The following ZFHX3 variants were observed in gnomAD, a reference collection of about 807,000 sequenced individuals.
The protein encoded by ZFHX3 is zinc finger homeobox protein 3.
ZFHX3 carries 42 observed loss-of-function variants against 279.1 expected under a neutral mutation model. That is an observed-to-expected ratio of 0.15 (90% CI 0.12 to 0.19). The LOEUF is 0.19. Ranked by LOEUF, ZFHX3 falls within the 10% of genes least tolerant of loss-of-function variation. ZFHX3 has a pLI of 1.00. For synonymous variants in ZFHX3, 2,293 were observed against 1,957.8 expected, an observed-to-expected ratio of 1.17 and a Z score of -4.52; for missense variants, 4,981 against 4,754.0, an observed-to-expected ratio of 1.05 and a Z score of -1.40.
At chr16:73,077,381 A>G (rs1965896674) in intron 8 of ZFHX3, among the ~76,000 whole-genome samples, 1 of 151,922 alleles carries the variant, frequency 6.6e-6, no homozygotes. Flanking sequence ...TTCCAGGTGA[A>G]GTTCCAGATT....
At chr16:72,803,353 C>A (rs748597337) in intron 7 of ZFHX3, among the ~76,000 whole-genome samples, 1 of 152,018 alleles carries the variant, frequency 6.6e-6, no homozygotes, top group Admixed American at 6.5e-5. Flanking sequence ...TCAATCAATC[C>A]ATCCCAGCTG....
At chr16:73,427,695 G>A (rs2017835544) in intron 3 of ZFHX3, among the ~76,000 whole-genome samples, 1 of 152,076 alleles carries the variant, frequency 6.6e-6, no homozygotes, top group Admixed American at 6.6e-5. Flanking sequence ...TAGCACTTTG[G>A]GAGGCCGCCG....
intron 2 of ZFHX3, among the ~76,000 whole-genome samples, chr16:73,508,748 A>G (rs1712527298): frequency 6.6e-6 from 1 of 152,212 alleles, no homozygotes; most frequent in South Asian, 2.1e-4. Context: ...TTGTCCAGAC[A>G]CGAATGAATA....
rs939637100 is a variant in ZFHX3 at position 72,922,028 on chromosome 16, G to T, written c.3216+28441C>A. Among the ~76,000 whole-genome samples, 71 of 152,284 alleles carry T rather than the reference G, an allele frequency of 4.7e-4. 1 individual carries two copies. The highest frequency in any genetic ancestry group is 3.4e-3 in the Middle Eastern group (1 of 294). On this transcript the variant is annotated intron_variant, in intron 3 of 9. Coordinates refer to ENST00000268489, the MANE Select transcript of ZFHX3 (RefSeq NM_006885.4). ...TCTGGGGGCACCAGCCATGGAGGGG[G>T]TCTCACTTCCTTCTCAGCCCTGCAG...
intron 2 of ZFHX3, among the ~76,000 whole-genome samples, chr16:73,507,862 C>T (rs2019355709): frequency 6.6e-6 from 1 of 151,982 alleles, no homozygotes; most frequent in South Asian, 2.1e-4. Flanking sequence ...CCTTGGACAC[C>T]CCGTCAATAA....
At chr16:73,256,781 T>A (rs1183086150) in intron 5 of ZFHX3, among the ~76,000 whole-genome samples, 1 of 152,214 alleles carries the variant, frequency 6.6e-6, no homozygotes, top group Non-Finnish European at 1.5e-5. Context: ...GTTAGGATGA[T>A]AAGCAACATT....
At chr16:72,910,796 A>AAAAAC (rs1055939948) in intron 3 of ZFHX3, among the ~76,000 whole-genome samples, 9 of 152,212 alleles carry the variant, frequency 5.9e-5, no homozygotes, top group African/African-American at 1.9e-4. Context: ...TTAGACATTA[A>AAAAAC]AAAACAAAAC....
At chr16:73,189,118 T>C (rs1967976592) in intron 5 of ZFHX3, among the ~76,000 whole-genome samples, 1 of 152,172 alleles carries the variant, frequency 6.6e-6, no homozygotes, top group African/African-American at 2.4e-5. Flanking sequence ...CAGTTCAGCC[T>C]CCCAAAGTGC....
At chr16:73,108,625 G>A (rs997084221) in intron 7 of ZFHX3, among the ~76,000 whole-genome samples, 5 of 152,100 alleles carry the variant, frequency 3.3e-5, no homozygotes, top group African/African-American at 1.2e-4. Context: ...TGCCGGTCCT[G>A]GAGCACACCC....
At chr16:73,060,940 A>G (rs1382498811), upstream of ZFHX3, 1 of 152,162 alleles carries the variant, frequency 6.6e-6, no homozygotes, top group African/African-American at 2.4e-5. Context: ...GACTAGAGAG[A>G]AAAAAACCGG....
At chr16:73,518,539 G>C (rs2019560562) in intron 2 of ZFHX3, among the ~76,000 whole-genome samples, 1 of 152,124 alleles carries the variant, frequency 6.6e-6, no homozygotes, top group Admixed American at 6.5e-5. Context: ...AGCAGAGAGG[G>C]ACAGTTAGCT....
chr16:72,989,379 G>T (rs1962981624), intron 1 of ZFHX3, among the ~76,000 whole-genome samples: 1 of 152,040 alleles, frequency 6.6e-6, no homozygotes, highest in South Asian at 2.1e-4. Context: ...ATACTCAGGA[G>T]GCTGAGGCAG....
At chr16:72,895,439 CTCA>C (rs2038876223) in intron 3 of ZFHX3, among the ~76,000 whole-genome samples, 1 of 152,218 alleles carries the variant, frequency 6.6e-6, no homozygotes, top group South Asian at 2.1e-4. Flanking sequence ...TCTACCCAAA[CTCA>C]CTTGGTTGGG....
chr16:73,060,430 C>T (rs549913969), upstream of ZFHX3: 6 of 152,288 alleles, frequency 3.9e-5, no homozygotes, highest in East Asian at 1.2e-3. Context: ...AAAGCCATCA[C>T]TTAGGCTGGT....
At chr16:73,559,637 C>T (rs916027802) in intron 2 of ZFHX3, among the ~76,000 whole-genome samples, 1 of 152,200 alleles carries the variant, frequency 6.6e-6, no homozygotes, top group Non-Finnish European at 1.5e-5. Context: ...TGCCCTTTCA[C>T]ACACGCTTCC....
intron 3 of ZFHX3, among the ~76,000 whole-genome samples, chr16:72,939,757 A>G (rs929124508): frequency 1.3e-5 from 2 of 152,112 alleles, no homozygotes; most frequent in African/African-American, 2.4e-5. Context: ...GTATGGTGGC[A>G]GGCGCCTGTA....
At chr16:73,664,369 C>T (rs1227777916) in intron 2 of ZFHX3, among the ~76,000 whole-genome samples, 1 of 152,132 alleles carries the variant, frequency 6.6e-6, no homozygotes, top group Non-Finnish European at 1.5e-5. Context: ...ATACAAAAAT[C>T]GAAGATGGCT....
intron 4 of ZFHX3, among the ~76,000 whole-genome samples, chr16:72,850,895 AG>A (rs1391103655): frequency 6.6e-6 from 1 of 151,672 alleles, no homozygotes; most frequent in Non-Finnish European, 1.5e-5. Context: ...ACTCAAGGGG[AG>A]GGGGTGCAAG....
At chr16:73,617,035 T>C (rs1236406627) in intron 2 of ZFHX3, among the ~76,000 whole-genome samples, 1 of 152,208 alleles carries the variant, frequency 6.6e-6, no homozygotes, top group Non-Finnish European at 1.5e-5. Flanking sequence ...CTGTGTCAAC[T>C]CTATTAATCA....
Sources: allele counts gnomAD v4.1 joint callset (sites outside exome capture counted in the v4.1 genomes callset), GRCh38; gene constraint gnomAD v4.1.1; transcripts MANE v1.5; gene names NCBI Gene and HGNC (gene_info 2026-07-23, HGNC 2026-07-21).